The following XPR1 variants were observed in gnomAD, a reference collection of about 807,000 sequenced individuals.
XPR1 encodes the protein xenotropic and polytropic retrovirus receptor 1.
Under a neutral mutation model 87.5 loss-of-function variants are expected in XPR1, and 28 were observed. That is an observed-to-expected ratio of 0.32 (90% CI 0.24 to 0.44). XPR1 has a LOEUF of 0.44. Among genes scored for constraint, XPR1 ranks in the 20% least tolerant of loss-of-function variants. The pLI is 1.00. For synonymous variants in XPR1, 300 were observed against 306.1 expected (o/e 0.98, Z 0.21); for missense variants, 559 against 862.3 (o/e 0.65, Z 4.41).
intron 2 of XPR1, among the ~76,000 whole-genome samples, chr1:180,696,202 GTGTGTGTATATATATA>G (rs1411938975): frequency 1.9e-5 from 2 of 106,350 alleles, no homozygotes; most frequent in African/African-American, 8.2e-5. Context: ...GTGTGTGTGT[GTGTGTGTATATATATA>G]TATATATATA....
intron 11 of XPR1, among the ~76,000 whole-genome samples, chr1:180,844,209 T>C (rs564522348): frequency 6.6e-6 from 1 of 152,272 alleles, no homozygotes; most frequent in African/African-American, 2.4e-5. Context: ...AGACTCCGTC[T>C]AAGAAAAAAA....
At chr1:180,748,874 T>A (rs1647396702) in intron 2 of XPR1, among the ~76,000 whole-genome samples, 1 of 152,208 alleles carries the variant, frequency 6.6e-6, no homozygotes, top group Non-Finnish European at 1.5e-5. Context: ...CAAATCACAG[T>A]TTGATTTGTT....
At chr1:180,670,897 C>G (rs1656147341) in intron 1 of XPR1, among the ~76,000 whole-genome samples, 1 of 152,058 alleles carries the variant, frequency 6.6e-6, no homozygotes, top group Non-Finnish European at 1.5e-5. Flanking sequence ...TAGTTTTTCT[C>G]TTTTAGTACT....
At chr1:180,731,222 A>C (rs546154056) in intron 2 of XPR1, among the ~76,000 whole-genome samples, 1 of 152,122 alleles carries the variant, frequency 6.6e-6, no homozygotes, top group African/African-American at 2.4e-5. Flanking sequence ...TAAAAATAAA[A>C]AGAAGTGTTA....
chr1:180,712,005 A>G (rs181258549), intron 2 of XPR1, among the ~76,000 whole-genome samples: 71 of 152,296 alleles, frequency 4.7e-4, no homozygotes, highest in Middle Eastern at 6.8e-3. Context: ...GTTGCCCCTT[A>G]TCTGCTGGGG....
intron 2 of XPR1, among the ~76,000 whole-genome samples, chr1:180,728,616 G>T (rs1459089327): frequency 6.6e-6 from 1 of 152,142 alleles, no homozygotes; most frequent in Non-Finnish European, 1.5e-5. Flanking sequence ...CACTCGATAA[G>T]TCATATATGC....
chr1:180,794,082 CAG>C (rs1436229536), intron 3 of XPR1, among the ~76,000 whole-genome samples: 4 of 152,056 alleles, frequency 2.6e-5, no homozygotes, highest in African/African-American at 7.2e-5. Context: ...CACTTAATGA[CAG>C]GGATAATTCT....
At chr1:180,815,548 T>C (rs78646197) in intron 7 of XPR1, among the ~76,000 whole-genome samples, 2,546 of 152,258 alleles carry the variant, frequency 0.017, 77 homozygotes, top group African/African-American at 0.056. Context: ...TTAAAAAATG[T>C]GCATAATTGC....
At position 180,787,852 on chromosome 1, in the gene XPR1, C is replaced by T; in HGVS notation, c.221C>T (p.Ser74Leu). 3 of 1,604,478 alleles carry T rather than the reference C, an allele frequency of 1.9e-6. No individual in the cohort carries two copies. Among genetic ancestry groups the T allele is most frequent in the Non-Finnish European group, 1.7e-6 (2 of 1,176,260 alleles). ...KELAKINTFY[S>L]EKLAEAQRRF... ...CTTGCCAAAATCAACACATTTTATT[C>T]AGGTGAGTAATTAAGAGACTTTTTT... The change falls in exon 3 of 15, where the codon TCA becomes TTA. Residue 74 changes from serine (S) to leucine (L), a missense_variant and splice_region_variant. This residue lies in a region of XPR1 where 159 missense variants were observed against 263.3 expected (regional missense o/e 0.60). Coordinates refer to ENST00000367590, the MANE Select transcript of XPR1 (RefSeq NM_004736.4).
At chr1:180,724,304 G>A (rs1275777229) in intron 2 of XPR1, among the ~76,000 whole-genome samples, 1 of 152,126 alleles carries the variant, frequency 6.6e-6, no homozygotes, top group Non-Finnish European at 1.5e-5. Context: ...TAAGCACAGT[G>A]CCTTGGGCCG....
Position 180,768,760 on chromosome 1 carries a change from T to C in XPR1, c.122-18993T>C, listed in dbSNP as rs867534885. The stretch of plus-strand genomic sequence containing the variant: ...TACTATCTCAACTCCCCTAAACACA[T>C]GTTGTGTTTTACCTGGTAACAGATA... On this transcript the variant is annotated intron_variant, in intron 2 of 14. Transcript: ENST00000367590. 9.2e-5 allele frequency among the ~76,000 whole-genome samples: 14 copies of C among 152,200 alleles called. 1 individual carries two copies. The highest frequency in any genetic ancestry group is 2.9e-4 in the African/African-American group (12 of 41,450).
At chr1:180,751,957 G>A (rs185225672) in intron 2 of XPR1, among the ~76,000 whole-genome samples, 10 of 152,202 alleles carry the variant, frequency 6.6e-5, no homozygotes, top group East Asian at 1.9e-4. Context: ...GGGAATAAAC[G>A]TGTCGCCCAT....
In XPR1 at chr1:180,873,899, G is replaced by T; in HGVS notation, c.1765G>T (p.Gly589Trp). The T allele has an allele frequency of 6.2e-7, 1 of 1,614,030 alleles. No homozygotes were observed. Among genetic ancestry groups the T allele is most frequent in the South Asian group, 1.1e-5 (1 of 91,072 alleles). Residue 589 changes from glycine to tryptophan, a missense_variant, in exon 13 of 15, where the codon GGG (glycine) becomes TGG (tryptophan). By Grantham distance (184) the Gly-to-Trp change is radical. Coordinates refer to ENST00000367590, the MANE Select transcript of XPR1 (RefSeq NM_004736.4). ...ITSTTLLPHS[G>W]DIIATVFAPL... ...CTCTACAACTTTGTTGCCTCATTCT[G>T]GGGACATCATTGCTACTGTCTTTGC...
At chr1:180,875,381 C>T (rs1270745004) in intron 13 of XPR1, among the ~76,000 whole-genome samples, 14 of 151,770 alleles carry the variant, frequency 9.2e-5, no homozygotes, top group African/African-American at 1.2e-4. Flanking sequence ...TGGTGGTGCG[C>T]GCCTGTAGTC....
rs1378621484 is a variant in XPR1 at position 180,704,274 on chromosome 1, A to ATATATG, written c.121+21866_121+21867insATGTAT. 5.6e-5 allele frequency among the ~76,000 whole-genome samples: 8 copies of ATATATG among 141,680 alleles called. No individual in the cohort carries two copies. In the South Asian group the frequency reaches 1.6e-3, roughly 28 times the overall value. 92.9% of individuals were successfully genotyped at this position (141,680 alleles called of 152,430 possible). On this transcript the variant is annotated intron_variant, in intron 2 of 14. Coordinates refer to ENST00000367590, the MANE Select transcript of XPR1 (RefSeq NM_004736.4). ...TATATATATATATATATATATATAT[A>ATATATG]TATTATCAGATTATCTGTTTTGTTA...
intron 11 of XPR1, among the ~76,000 whole-genome samples, chr1:180,855,072 A>G (rs1651984391): frequency 6.6e-6 from 1 of 152,200 alleles, no homozygotes; most frequent in Admixed American, 6.5e-5. Context: ...TGGGCCCTAG[A>G]AAAATGCTGA....
chr1:180,834,846 G>A (rs2102167446), intron 9 of XPR1, 28 bp from the exon 10 acceptor site: 2 of 1,586,982 alleles, frequency 1.3e-6, no homozygotes, highest in Non-Finnish European at 1.7e-6. Flanking sequence ...TCTTGTTTCT[G>A]TGTTTTCTGA....
rs148089183 is a variant in XPR1, at chr1:180,856,479, C to G, written c.1502-7229C>G. On this transcript the variant is annotated intron_variant, in intron 11 of 14. Coordinates refer to ENST00000367590, the MANE Select transcript of XPR1 (RefSeq NM_004736.4). ...GTGACTCCCCAGTCTGTATCTGAAG[C>G]TTTTTAGTTTTTTCCAGTTGTTTTC... Among the ~76,000 whole-genome samples, 163 of 152,272 alleles carry G rather than the reference C, an allele frequency of 1.1e-3. 1 individual carries two copies. Among genetic ancestry groups the G allele is most frequent in the Admixed American group, 3.9e-3 (59 of 15,284 alleles).
At chr1:180,796,137 G>C in intron 3 of XPR1, among the ~76,000 whole-genome samples, 1 of 151,978 alleles carries the variant, frequency 6.6e-6, no homozygotes, top group East Asian at 1.9e-4. Flanking sequence ...TGTATTTGTA[G>C]ATTTTCATCA....
Sources: allele counts gnomAD v4.1 joint callset (sites outside exome capture counted in the v4.1 genomes callset), GRCh38; gene constraint gnomAD v4.1.1; regional missense constraint gnomAD v4.1.1; transcripts MANE v1.5; gene names NCBI Gene and HGNC (gene_info 2026-07-23, HGNC 2026-07-21).